Variants in ABCA9 observed in about 807,000 individuals in gnomAD.
ABCA9 encodes ATP-binding cassette sub-family A member 9.
Under a neutral mutation model 205.3 loss-of-function variants are expected in ABCA9, and 183 were observed. The observed-to-expected ratio is 0.89, with a 90% CI of 0.79 to 1.01. The LOEUF (loss-of-function observed/expected upper bound fraction) is 1.01, where lower values mean the gene tolerates loss of function less well. ABCA9 is among the 50% of genes least tolerant of loss of function. The pLI, the probability that ABCA9 is intolerant of heterozygous loss-of-function variation, is 0.00. For synonymous variants in ABCA9, 651 were observed against 683.3 expected, an observed-to-expected ratio of 0.95 and a Z score of 0.74; for missense variants, 1,805 against 1,912.4, an observed-to-expected ratio of 0.94 and a Z score of 1.05.
chr17:68,989,930 T>C lies in ABCA9; in HGVS notation c.3838A>G (p.Thr1280Ala). 1 of 1,601,786 alleles carries C rather than the reference T, an allele frequency of 6.2e-7. No homozygotes were observed. Among genetic ancestry groups the C allele is most frequent in the East Asian group, 2.2e-5 (1 of 44,720 alleles). Residue 1280 changes from threonine (T) to alanine (A), a missense_variant and splice_region_variant, in exon 30 of 39, where the codon ACA (threonine) becomes GCA (alanine). Coordinates refer to ENST00000340001, the MANE Select transcript of ABCA9 (RefSeq NM_080283.4). ...NAMAVRDFDE[T>A]PVIIASCLRK... ...AGACAGCTGGCAATGATGACGGGTG[T>C]CTGTAAAGACAAGTAAATAACAACG...
chr17:68,977,404 C>A (rs1301892223), intron 37 of ABCA9, among the ~76,000 whole-genome samples: 1 of 152,198 alleles, frequency 6.6e-6, no homozygotes, highest in Non-Finnish European at 1.5e-5. Flanking sequence ...ATGATCAGAT[C>A]AAGCTCTGAT....
intron 23 of ABCA9, 78 bp downstream of exon 23, chr17:69,011,898 A>G (rs2070388137): frequency 2.3e-6 from 2 of 859,958 alleles, no homozygotes; most frequent in East Asian, 5.7e-5. Flanking sequence ...TACCACTTGC[A>G]TGTAAATTTA....
At chr17:69,026,257 A>G (rs2070979967) in intron 16 of ABCA9, 120 bp downstream of exon 16, 2 of 740,272 alleles carry the variant, frequency 2.7e-6, no homozygotes, top group Admixed American at 2.4e-5. Context: ...TAGTTCTACC[A>G]TAGCTCCCTT....
At chr17:69,054,769 G>A (rs935211816) in intron 1 of ABCA9, among the ~76,000 whole-genome samples, 2 of 151,894 alleles carry the variant, frequency 1.3e-5, no homozygotes, top group African/African-American at 4.8e-5. Flanking sequence ...TTATCTGTAA[G>A]TGAAATGAAT....
At chr17:69,055,505 A>G (rs1027653032) in intron 1 of ABCA9, among the ~76,000 whole-genome samples, 1 of 152,218 alleles carries the variant, frequency 6.6e-6, no homozygotes, top group African/African-American at 2.4e-5. Flanking sequence ...GTGTGCTAAC[A>G]ACAGTGTCAA....
chr17:69,061,041 A>T, upstream of ABCA9: 1 of 985,426 alleles, frequency 1.0e-6, no homozygotes, highest in South Asian at 4.7e-5. Flanking sequence ...GTCTCAGTTC[A>T]GCTAGCCTGC....
In ABCA9 at chr17:68,993,234, A is replaced by G. The variant is rs200865427; in HGVS notation, c.3556-150T>C. The G allele has an allele frequency of 3.3e-5, 21 of 640,752 alleles. No individual in the cohort carries two copies. In the East Asian group the frequency reaches 5.4e-4, roughly 16 times the overall value. 39.7% of individuals were successfully genotyped at this position (640,752 alleles called of 1,614,324 possible). The stretch of plus-strand genomic sequence containing the variant: ...GGTATCATGTAAAAGTTAATTTCGG[A>G]CTGTGCAGTATGTCTTCTTTGCTTC... On this transcript the variant is annotated intron_variant, in intron 26 of 38. Transcript: ENST00000340001.
chr17:69,004,357 G>T (rs2070025128), intron 25 of ABCA9, among the ~76,000 whole-genome samples: 1 of 152,184 alleles, frequency 6.6e-6, no homozygotes, highest in Non-Finnish European at 1.5e-5. Context: ...CTGAGCTGCA[G>T]GTCTGTTGGA....
intron 22 of ABCA9, 147 bp from the exon 23 acceptor site, chr17:69,012,230 C>T: frequency 1.8e-6 from 1 of 541,114 alleles, no homozygotes; most frequent in Non-Finnish European, 3.2e-6. Flanking sequence ...TACCCACATT[C>T]ATTTTCAATC....
At chr17:69,057,911 G>T (rs1158296993) in intron 1 of ABCA9, among the ~76,000 whole-genome samples, 2 of 152,054 alleles carry the variant, frequency 1.3e-5, no homozygotes, top group Non-Finnish European at 2.9e-5. Flanking sequence ...ATTAGGTATT[G>T]TAAGTAAGCT....
At chr17:68,983,573 G>C in intron 36 of ABCA9, 136 bp downstream of exon 36, 1 of 1,252,330 alleles carries the variant, frequency 8.0e-7, no homozygotes, top group Non-Finnish European at 1.1e-6. Context: ...CCTTGGAATT[G>C]AATTTCTCTT....
At chr17:69,002,732 T>C (rs1445147418) in intron 25 of ABCA9, among the ~76,000 whole-genome samples, 1 of 145,210 alleles carries the variant, frequency 6.9e-6, no homozygotes, top group South Asian at 2.3e-4. Context: ...AAGTCTCCCA[T>C]TATTATTGTG....
chr17:69,000,347 C>T (rs2069808643), intron 25 of ABCA9, among the ~76,000 whole-genome samples: 1 of 150,266 alleles, frequency 6.7e-6, no homozygotes, highest in Non-Finnish European at 1.5e-5. Context: ...CTACATATGG[C>T]TAGCCAGTTT....
intron 34 of ABCA9, 114 bp from the exon 35 acceptor site, chr17:68,984,289 A>AC: frequency 7.0e-7 from 1 of 1,438,302 alleles, no homozygotes; most frequent in Non-Finnish European, 9.4e-7. Context: ...TTCAGACTAG[A>AC]CAAAAAAGGG....
At chr17:69,000,677 G>T (rs1420428579) in intron 25 of ABCA9, among the ~76,000 whole-genome samples, 1 of 149,388 alleles carries the variant, frequency 6.7e-6, no homozygotes, top group Non-Finnish European at 1.5e-5. Flanking sequence ...GGCATTGGTA[G>T]CTTGATGGGG....
intron 1 of ABCA9, among the ~76,000 whole-genome samples, chr17:69,057,839 TTTC>T (rs917041939): frequency 6.7e-6 from 1 of 150,348 alleles, no homozygotes; most frequent in Admixed American, 6.7e-5. Context: ...AAGCTTTTTT[TTTC>T]TTGTCATTAT....
At chr17:69,056,169 A>G (rs867390890) in intron 1 of ABCA9, among the ~76,000 whole-genome samples, 1 of 152,174 alleles carries the variant, frequency 6.6e-6, no homozygotes, top group Admixed American at 6.5e-5. Flanking sequence ...AAAAATTATG[A>G]TAGAAATCAA....
At chr17:69,077,409 T>G in the ABCA9 span, among the ~76,000 whole-genome samples, 1 of 152,322 alleles carries the variant, frequency 6.6e-6, no homozygotes, top group African/African-American at 2.4e-5. Context: ...GTATTGAGAC[T>G]TGCTTTATGT....
chr17:68,989,204 G>A, intron 30 of ABCA9, 86 bp from the exon 31 acceptor site: 1 of 781,496 alleles, frequency 1.3e-6, no homozygotes, highest in Non-Finnish European at 2.2e-6. Context: ...TGTGTCAAGT[G>A]CTATGTGAAA....
Sources: allele counts gnomAD v4.1 joint callset (sites outside exome capture counted in the v4.1 genomes callset), GRCh38; gene constraint gnomAD v4.1.1; transcripts MANE v1.5; gene names NCBI Gene and HGNC (gene_info 2026-07-23, HGNC 2026-07-21).